Variants in SLC35E2B observed in about 807,000 individuals in gnomAD.
SLC35E2B encodes solute carrier family 35, member E2B.
Under a neutral mutation model 32.4 loss-of-function variants are expected in SLC35E2B, and 18 were observed. The ratio of observed to expected loss-of-function variants is 0.56; its 90% CI spans 0.38 to 0.82. SLC35E2B has a LOEUF of 0.82. Among genes scored for constraint, SLC35E2B ranks in the 40% least tolerant of loss-of-function variants. The probability of loss-of-function intolerance (pLI) is 0.00; values close to 1 mark genes in which losing one functional copy is unlikely to be tolerated. For synonymous variants in SLC35E2B, 132 were observed against 209.1 expected, an observed-to-expected ratio of 0.63 and a Z score of 3.18; for missense variants, 263 against 469.5, an observed-to-expected ratio of 0.56 and a Z score of 4.06.
In SLC35E2B at chr1:1,671,620, A is replaced by G. The variant is rs764806836; in HGVS notation, c.596T>C (p.Val199Ala). 3.9e-6 allele frequency: 6 copies of G among 1,545,050 alleles called. No homozygotes were observed. In the East Asian group the frequency reaches 1.2e-4, roughly 32 times the overall value. Reference sequence around the variant, plus strand: ...CATGACTGGGATGAGGGAGAGGTTGACCAGCAGCCCTGGCGAGAGGACAGC... The same window carrying G: ...CATGACTGGGATGAGGGAGAGGTTGGCCAGCAGCCCTGGCGAGAGGACAGC... The part of the protein sequence containing the change: ...MILGEYTGLL[V>A]NLSLIPVMGG... Residue 199 changes from valine (V) to alanine (A), a missense_variant, in exon 6 of 10, where the codon GTC becomes GCC. Coordinates refer to ENST00000617444, the MANE Select transcript of SLC35E2B (RefSeq NM_001290264.2).
intron 2 of SLC35E2B, among the ~76,000 whole-genome samples, chr1:1,678,758 T>A (rs1266087440): frequency 6.6e-6 from 1 of 152,118 alleles, no homozygotes; most frequent in Non-Finnish European, 1.5e-5. Context: ...CTGCTTAGCC[T>A]GGGGTGACAA....
rs1643489627 is a variant in SLC35E2B, at chr1:1,664,432, C to T, written c.*1350G>A. The T allele has an allele frequency of 1.2e-6, 1 of 868,694 alleles. No homozygotes were observed. The highest frequency in any genetic ancestry group is 1.4e-6 in the Non-Finnish European group (1 of 723,434). 53.8% of individuals were successfully genotyped at this position (868,694 alleles called of 1,614,324 possible). On this transcript the variant is annotated 3_prime_UTR_variant, in exon 10 of 10. Coordinates refer to ENST00000617444, the MANE Select transcript of SLC35E2B (RefSeq NM_001290264.2). The stretch of plus-strand genomic sequence containing the variant: ...AATGAGACTCGGGACCACTGGAGCC[C>T]CATGCTGCCTCTGACAAGCCCTGGA...
chr1:1,684,876 C>T (rs1433032735), intron 2 of SLC35E2B, among the ~76,000 whole-genome samples: 2 of 146,644 alleles, frequency 1.4e-5, no homozygotes, highest in Non-Finnish European at 1.5e-5. Flanking sequence ...GAGCCCAAGG[C>T]GGGCAGATCA....
At chr1:1,679,479 C>CA (rs970098423) in intron 2 of SLC35E2B, among the ~76,000 whole-genome samples, 14 of 152,016 alleles carry the variant, frequency 9.2e-5, no homozygotes, top group East Asian at 7.7e-4. Flanking sequence ...TTAGTGGAAA[C>CA]AAAAAAACAG....
intron 2 of SLC35E2B, among the ~76,000 whole-genome samples, chr1:1,678,383 G>A (rs773469254): frequency 1.6e-4 from 25 of 151,878 alleles, no homozygotes; most frequent in Non-Finnish European, 3.4e-4. Context: ...CCCCATACCC[G>A]GGAACAGGCG....
chr1:1,683,970 T>C (rs1270262727), intron 2 of SLC35E2B, among the ~76,000 whole-genome samples: 1 of 152,136 alleles, frequency 6.6e-6, no homozygotes, highest in Non-Finnish European at 1.5e-5. Context: ...AAGTTGTAAG[T>C]CAAACCTTCA....
chr1:1,684,121 G>A (rs1355246726), intron 2 of SLC35E2B, among the ~76,000 whole-genome samples: 1 of 152,124 alleles, frequency 6.6e-6, no homozygotes, highest in African/African-American at 2.4e-5. Context: ...CAGCAGTCGT[G>A]AGACGCTTGC....
chr1:1,674,016 C>T (rs1557756630), intron 5 of SLC35E2B: 2 of 177,704 alleles, frequency 1.1e-5, no homozygotes, highest in African/African-American at 4.8e-5. Context: ...AATCTTTGTT[C>T]CTGTTCTGCC....
intron 2 of SLC35E2B, among the ~76,000 whole-genome samples, chr1:1,684,284 G>A (rs1399241650): frequency 6.6e-6 from 1 of 152,178 alleles, no homozygotes; most frequent in Admixed American, 6.5e-5. Context: ...GGCTATAAGC[G>A]CGCTGAGCCG....
rs532703067 is a variant in SLC35E2B at position 1,685,931 on chromosome 1, A to C, written c.-148+5045T>G. Reference sequence around the variant, plus strand: ...ACTGCAACCTCTACCTCCCGGGTTCAAGTGATTCTCCTGCCTCAGCCTCCT... The same window carrying C: ...ACTGCAACCTCTACCTCCCGGGTTCCAGTGATTCTCCTGCCTCAGCCTCCT... On this transcript the variant is annotated intron_variant, in intron 2 of 9. Transcript: ENST00000617444. Among the ~76,000 whole-genome samples the C allele has an allele frequency of 2.0e-5, 3 of 152,292 alleles. No individual in the cohort carries two copies. In the East Asian group the frequency reaches 5.8e-4, roughly 29 times the overall value.
intron 2 of SLC35E2B, among the ~76,000 whole-genome samples, chr1:1,690,237 G>A (rs1194987109): frequency 1.4e-5 from 2 of 142,876 alleles, no homozygotes; most frequent in African/African-American, 5.2e-5. Flanking sequence ...CCAAGATCGC[G>A]CCATTGCACA....
intron 2 of SLC35E2B, among the ~76,000 whole-genome samples, chr1:1,677,393 C>T (rs1235736674): frequency 6.6e-6 from 1 of 151,500 alleles, no homozygotes; most frequent in East Asian, 1.9e-4. Context: ...CCTTCACGCC[C>T]TGCCTGGCAG....
rs1643460873 is a variant in SLC35E2B, at chr1:1,663,505, C to T, written c.*2277G>A. The T allele has an allele frequency of 2.3e-6, 2 of 856,604 alleles. No individual in the cohort carries two copies. The highest frequency in any genetic ancestry group is 1.8e-5 in the African/African-American group (1 of 55,712). 53.1% of individuals were successfully genotyped at this position (856,604 alleles called of 1,614,324 possible). A position where few individuals can be genotyped will look rare whatever the true frequency, so the allele number is the denominator to read the frequency against. ...TTTGTTTTTGAGACGGAATCTTGCC[C>T]TGTTGCCCAGGCTGGAGTGCAATGG... On this transcript the variant is annotated 3_prime_UTR_variant, in exon 10 of 10. Coordinates refer to ENST00000617444, the MANE Select transcript of SLC35E2B (RefSeq NM_001290264.2).
intron 2 of SLC35E2B, among the ~76,000 whole-genome samples, chr1:1,687,374 C>T (rs1643964860): frequency 6.6e-6 from 1 of 151,780 alleles, no homozygotes; most frequent in Admixed American, 6.6e-5. Context: ...CTCAGGAGTT[C>T]TAGACGAGCC....
intron 2 of SLC35E2B, among the ~76,000 whole-genome samples, chr1:1,677,833 C>G (rs140525273): frequency 2.6e-5 from 4 of 151,950 alleles, no homozygotes; most frequent in Middle Eastern, 3.4e-3. Flanking sequence ...GGCTTCGGGG[C>G]GAGACACCCC....
chr1:1,689,709 G>A lies in SLC35E2B; in HGVS notation c.-148+1267C>T, dbSNP rs377152709. Among the ~76,000 whole-genome samples the A allele has an allele frequency of 3.4e-4, 52 of 150,950 alleles. 1 individual carries two copies. The East Asian group carries it at 3.5e-3, about 10-fold the overall frequency. ...ACCAAAGTACACCACAAAGTGGGCCGGGCGCAGTGGCTCATGCCTGTAATC... is the reference window on the plus strand; with the variant it reads ...ACCAAAGTACACCACAAAGTGGGCCAGGCGCAGTGGCTCATGCCTGTAATC... On this transcript the variant is annotated intron_variant, in intron 2 of 9. Coordinates refer to ENST00000617444, the MANE Select transcript of SLC35E2B (RefSeq NM_001290264.2).
At chr1:1,667,257 A>C (rs1643571181) in intron 9 of SLC35E2B, among the ~76,000 whole-genome samples, 1 of 151,712 alleles carries the variant, frequency 6.6e-6, no homozygotes, top group South Asian at 2.1e-4. Flanking sequence ...AATACAAAAA[A>C]AAAAAATTAG....
Position 1,665,373 on chromosome 1 carries a change from G to A in SLC35E2B, c.*409C>T, listed in dbSNP as rs907966443. ...TCTGCCGCCGGTCCAGGGCCTCAGG[G>A]CCTTCGATGGCTGGTGTGGGAAGCC... On this transcript the variant is annotated 3_prime_UTR_variant, in exon 10 of 10. Coordinates refer to ENST00000617444, the MANE Select transcript of SLC35E2B (RefSeq NM_001290264.2). 4.4e-5 allele frequency: 19 copies of A among 436,110 alleles called. No individual in the cohort carries two copies. In the Admixed American group the frequency reaches 6.4e-4, roughly 15 times the overall value. The allele number at this position is 436,110 out of a possible 1,614,324, so 27.0% of individuals were successfully genotyped here.
At chr1:1,674,633 C>CAAA (rs372723226) in intron 5 of SLC35E2B, among the ~76,000 whole-genome samples, 13 of 126,650 alleles carry the variant, frequency 1.0e-4, no homozygotes, top group Non-Finnish European at 1.6e-4. Context: ...ATAAAAAAAA[C>CAAA]AAAAAAAAAA....
Sources: allele counts gnomAD v4.1 joint callset (sites outside exome capture counted in the v4.1 genomes callset), GRCh38; gene constraint gnomAD v4.1.1; transcripts MANE v1.5; gene names NCBI Gene and HGNC (gene_info 2026-07-23, HGNC 2026-07-21).